The following SV2A variants were observed in gnomAD, a reference collection of about 807,000 sequenced individuals.
SV2A encodes synaptic vesicle glycoprotein 2A.
In SV2A, 25 loss-of-function variants were observed where a neutral mutation model predicts 78.0. The observed-to-expected ratio is 0.32, with a 90% confidence interval of 0.23 to 0.45. The LOEUF (loss-of-function observed/expected upper bound fraction) is 0.45. Among genes scored for constraint, SV2A ranks in the 20% least tolerant of loss-of-function variants. SV2A has a pLI of 1.00. For missense variants in SV2A, 752 were observed against 971.5 expected (o/e 0.77, Z 3.00); for synonymous variants, 355 against 384.7 (o/e 0.92, Z 0.90).
chr1:149,911,784 G>C lies in SV2A; in HGVS notation c.803+16C>G. 6.2e-7 allele frequency: 1 copy of C among 1,612,490 alleles called. No individual in the cohort carries two copies. Among genetic ancestry groups the C allele is most frequent in the Non-Finnish European group, 8.5e-7 (1 of 1,179,048 alleles). Reference sequence around the variant, plus strand: ...CACAGTCCTGCCCTCAAGGGACTTAGGAAGTGTACACTCACCCAACCCCAG... The same window carrying C: ...CACAGTCCTGCCCTCAAGGGACTTACGAAGTGTACACTCACCCAACCCCAG... On this transcript the variant is annotated intron_variant, in intron 3 of 12. Transcript: ENST00000369146.
Position 149,905,201 on chromosome 1 carries a change from C to T in SV2A, c.2046-4G>A, listed in dbSNP as rs782267340. On this transcript the variant is annotated splice_region_variant and splice_polypyrimidine_tract_variant and intron_variant, in intron 12 of 12. Coordinates refer to ENST00000369146, the MANE Select transcript of SV2A (RefSeq NM_014849.5). The stretch of plus-strand genomic sequence containing the variant: ...CAGGAAGCCAAAAGCTGTGGTCCTG[C>T]TCAGGAGTCCCCCAGTGCAGCACGG... 2 of 1,603,900 alleles carry T rather than the reference C, an allele frequency of 1.2e-6. No individual in the cohort carries two copies. Among genetic ancestry groups the T allele is most frequent in the Admixed American group, 1.7e-5 (1 of 58,050 alleles).
intron 10 of SV2A, among the ~76,000 whole-genome samples, chr1:149,907,210 C>A (rs1428389485): frequency 1.3e-5 from 2 of 152,144 alleles, no homozygotes; most frequent in African/African-American, 4.8e-5. Flanking sequence ...AAGTCCTATC[C>A]ATTGTTGTTT....
chr1:149,916,300 G>A (rs1038977154), intron 1 of SV2A, among the ~76,000 whole-genome samples: 1 of 152,220 alleles, frequency 6.6e-6, no homozygotes, highest in African/African-American at 2.4e-5. Context: ...GGTCTCAACA[G>A]CCAGCTTCCT....
rs61807545 is a variant in SV2A, at chr1:149,911,932, C to T, written c.671G>A (p.Gly224Asp). 1 of 1,614,132 alleles carries T rather than the reference C, an allele frequency of 6.2e-7. No homozygotes were observed. Among genetic ancestry groups the T allele is most frequent in the Non-Finnish European group, 8.5e-7 (1 of 1,180,004 alleles). The change falls in exon 3 of 13, where the codon GGT becomes GAT. Residue 224 changes from glycine to aspartate, a missense_variant. Physicochemically the swap from Gly to Asp is moderately conservative, Grantham distance 94. Transcript: ENST00000369146. ...CCTCCGACCCAGCCGGTCAGCCAGA[C>T]CTCCCCAGAGGAAGGCTCCCACCAT... ...GMMVGAFLWG[G>D]LADRLGRRQC...
At chr1:149,907,994 G>A (rs373225758) in intron 9 of SV2A, 48 bp downstream of exon 9, 52 of 1,598,186 alleles carry the variant, frequency 3.3e-5, no homozygotes, top group South Asian at 1.6e-4. Context: ...TAAAAGAGAC[G>A]AGGTAGAAGG....
At chr1:149,909,137 C>A (rs2092458313) in intron 8 of SV2A, 55 bp downstream of exon 8, 1 of 1,561,658 alleles carries the variant, frequency 6.4e-7, no homozygotes, top group African/African-American at 1.4e-5. Context: ...ACCTCTCTCC[C>A]AGCCCACACA....
At chr1:149,907,949 C>A in intron 9 of SV2A, 93 bp downstream of exon 9, 1 of 1,567,960 alleles carries the variant, frequency 6.4e-7, no homozygotes, top group Non-Finnish European at 8.7e-7. Flanking sequence ...CAAGTGTTTG[C>A]CCCCCAAATG....
At chr1:149,906,611 G>GC (rs1553762784) in intron 11 of SV2A, 39 bp downstream of exon 11, 2 of 1,607,502 alleles carry the variant, frequency 1.2e-6, no homozygotes, top group Non-Finnish European at 1.7e-6. Context: ...GCAGCCCCTG[G>GC]CCCCTACTAT....
chr1:149,909,043 A>G lies in SV2A; in HGVS notation c.1379+149T>C, dbSNP rs138336823. The G allele has an allele frequency of 1.0e-3, 710 of 708,534 alleles. 2 individuals carry two copies. The African/African-American group carries it at 0.011, about 11-fold the overall frequency. 43.9% of individuals were successfully genotyped at this position (708,534 alleles called of 1,614,324 possible). On this transcript the variant is annotated intron_variant, in intron 8 of 12. Transcript: ENST00000369146. The stretch of plus-strand genomic sequence containing the variant: ...TACAAGTTTGTTGAGTGAACTAGCG[A>G]AGTAGAGGAGCTGGCTGCAGGATCA...
At chr1:149,909,694 C>T in intron 6 of SV2A, 107 bp downstream of exon 6, 11 of 1,460,192 alleles carry the variant, frequency 7.5e-6, no homozygotes, top group Non-Finnish European at 1.1e-5. Context: ...CCCTGAAAAT[C>T]TCCTTACGGT....
Position 149,910,861 on chromosome 1 carries a change from G to A in SV2A, c.920C>T (p.Ala307Val). ...GATGATGGCCCAGGCCATAGCAGCT[G>A]CGTACACGCCACCAATCATCCAAAA... ...CMFWMIGGVY[A>V]AAMAWAIIPH... Residue 307 changes from alanine (A) to valine (V), a missense_variant, in exon 4 of 13, where the codon GCA becomes GTA. Around this residue, in one of 7 missense-constraint regions of SV2A, gnomAD observed 43 missense variants for 70.8 expected, o/e 0.61. Transcript: ENST00000369146. The surrounding 1 kb of genome is among the most constrained non-coding windows in gnomAD (Gnocchi z 4.2). The A allele has an allele frequency of 6.2e-7, 1 of 1,614,050 alleles. No homozygotes were observed. Among genetic ancestry groups the A allele is most frequent in the Non-Finnish European group, 8.5e-7 (1 of 1,179,948 alleles).
intron 2 of SV2A, among the ~76,000 whole-genome samples, 177 bp downstream of exon 2, chr1:149,913,042 C>T (rs2092485325): frequency 4.6e-5 from 7 of 152,168 alleles, no homozygotes. Context: ...TCACCCTGAC[C>T]CAAGGCCAAG....
chr1:149,914,831 T>C (rs1472087043), intron 1 of SV2A, among the ~76,000 whole-genome samples: 1 of 152,256 alleles, frequency 6.6e-6, no homozygotes, highest in Admixed American at 6.5e-5. Context: ...GGTCGAATGA[T>C]ATAATGTATC....
intron 8 of SV2A, among the ~76,000 whole-genome samples, chr1:149,908,616 G>C (rs117128666): frequency 0.012 from 1,771 of 148,232 alleles, 34 homozygotes; most frequent in South Asian, 0.07. Context: ...TCATCACCCT[G>C]CTTCATAGCA....
chr1:149,905,456 CTTTT>C (rs782048028), intron 12 of SV2A: 112 of 244,396 alleles, frequency 4.6e-4, no homozygotes, highest in South Asian at 1.1e-3. Context: ...TTTTTTTTTC[CTTTT>C]TTTTTTTTTT....
Position 149,911,985 on chromosome 1 carries a change from A to G in SV2A, c.623-5T>C, listed in dbSNP as rs2092478678. 1.9e-6 allele frequency: 3 copies of G among 1,612,112 alleles called. No individual in the cohort carries two copies. The African/African-American group carries it at 4.0e-5, about 22-fold the overall frequency. ...TGCCCAGGTAGACGATGAGGCCTGG[A>G]AGGAGGAGGAAAACAGGCAGAGGGG... On this transcript the variant is annotated splice_polypyrimidine_tract_variant and splice_region_variant and intron_variant, in intron 2 of 12. Transcript: ENST00000369146.
intron 2 of SV2A, among the ~76,000 whole-genome samples, chr1:149,912,807 A>G (rs1571507171): frequency 7.1e-6 from 1 of 140,090 alleles, no homozygotes; most frequent in East Asian, 2.4e-4. Context: ...AACCACCCCA[A>G]ACTGACTCTC....
At position 149,904,022 on chromosome 1, in the gene SV2A, G is replaced by C. The variant is rs139326652; in HGVS notation, c.*992C>G. ...CTTTCCCTCCCCTGCTCCCCTCCCT[G>C]TGAGGGGACAGGTAGGGAGCATGGG... On this transcript the variant is annotated 3_prime_UTR_variant, in exon 13 of 13. Transcript: ENST00000369146. 6.5e-6 allele frequency: 1 copy of C among 152,842 alleles called. No homozygotes were observed. The highest frequency in any genetic ancestry group is 2.4e-5 in the African/African-American group (1 of 41,558). The allele number at this position is 152,842 out of a possible 1,614,324, so 9.5% of individuals were successfully genotyped here.
chr1:149,916,026 C>T (rs1350165390), intron 1 of SV2A, among the ~76,000 whole-genome samples: 3 of 152,152 alleles, frequency 2.0e-5, no homozygotes, highest in Non-Finnish European at 2.9e-5. Context: ...CAGTGGACCA[C>T]GGTGACCAGA....
Sources: gnomAD v4.1 joint callset for allele counts (sites outside exome capture counted in the v4.1 genomes callset) on GRCh38, gnomAD v4.1.1 for gene constraint, gnomAD v4.1.1 regional missense constraint, Gnocchi (gnomAD v3.1) non-coding constraint, MANE v1.5 for transcripts, NCBI Gene and HGNC (gene_info 2026-07-23, HGNC 2026-07-21) for gene names.